Variants in ZNF83 observed in about 807,000 individuals in gnomAD.
ZNF83 encodes the protein zinc finger protein 83, also known as zinc finger protein 816B.
For synonymous variants in ZNF83, 209 were observed against 213.0 expected, an observed-to-expected ratio of 0.98 and a Z score of 0.17; for missense variants, 552 against 629.9, an observed-to-expected ratio of 0.88 and a Z score of 1.32.
In ZNF83 at chr19:52,629,515, T is replaced by C. The variant is rs368407510; in HGVS notation, c.-234+5551A>G. Reference sequence around the variant, plus strand: ...CAGCCTCCGCTCCTCCACCCTGTAATCTTTTTATCACCTCACCTGCTCACA... The same window carrying C: ...CAGCCTCCGCTCCTCCACCCTGTAACCTTTTTATCACCTCACCTGCTCACA... On this transcript the variant is annotated intron_variant, in intron 2 of 2. Coordinates refer to ENST00000301096, the Ensembl canonical transcript of ZNF83. Among the ~76,000 whole-genome samples, 39 of 152,246 alleles carry C rather than the reference T, an allele frequency of 2.6e-4. 1 individual carries two copies. Among genetic ancestry groups the C allele is most frequent in the African/African-American group, 9.2e-4 (38 of 41,524 alleles).
intron 2 of ZNF83, among the ~76,000 whole-genome samples, chr19:52,659,009 AC>A (rs762899821): frequency 5.9e-5 from 9 of 152,250 alleles, no homozygotes; most frequent in East Asian, 3.9e-4. Context: ...GCGATTGGGC[AC>A]CCAGCAGGAC....
At chr19:52,677,075 A>T (rs1219369945) in intron 1 of ZNF83, among the ~76,000 whole-genome samples, 1 of 148,346 alleles carries the variant, frequency 6.7e-6, no homozygotes, top group South Asian at 2.1e-4. Context: ...CTGTTGTCCT[A>T]TGACCCTGCC....
chr19:52,681,259 G>T (rs373573699), intron 1 of ZNF83, among the ~76,000 whole-genome samples: 2 of 124,292 alleles, frequency 1.6e-5, no homozygotes, highest in East Asian at 4.6e-4. Flanking sequence ...CTCCAGCCTG[G>T]GTGACAGAGT....
At chr19:52,663,536 A>G (rs1040645173) in intron 1 of ZNF83, among the ~76,000 whole-genome samples, 1 of 152,228 alleles carries the variant, frequency 6.6e-6, no homozygotes, top group Admixed American at 6.5e-5. Context: ...ATCAGATGAC[A>G]TGAGGAAAGA....
At chr19:52,667,817 AAT>A (rs985040951) in intron 1 of ZNF83, among the ~76,000 whole-genome samples, 2 of 152,238 alleles carry the variant, frequency 1.3e-5, no homozygotes, top group Non-Finnish European at 2.9e-5. Flanking sequence ...ACATTGGATA[AAT>A]ATGTCTACAA....
At chr19:52,655,572 A>C in exon 3 of ZNF83, 1 of 1,500,800 alleles carries the variant, frequency 6.7e-7, no homozygotes, top group Non-Finnish European at 9.3e-7. Context: ...CACAGACTCC[A>C]GGTTCCTGTA....
At chr19:52,675,902 G>A (rs1483706355) in intron 1 of ZNF83, among the ~76,000 whole-genome samples, 1 of 152,150 alleles carries the variant, frequency 6.6e-6, no homozygotes, top group African/African-American at 2.4e-5. Flanking sequence ...AAGAATGAAC[G>A]ACATTCAGGC....
In ZNF83 at chr19:52,614,609, G is replaced by A. The variant is rs372610028; in HGVS notation, c.-45C>T. On this transcript the variant is annotated 5_prime_UTR_variant, in exon 3 of 3. Transcript: ENST00000301096. ...CTTTCCTTATAGGTCACACGCACTC[G>A]CTTATAATGTCTTCAATCATGTTTC... The A allele has an allele frequency of 3.3e-4, 495 of 1,500,696 alleles. 10 individuals carry two copies. In the South Asian group the frequency reaches 6.3e-3, roughly 19 times the overall value. 93.0% of individuals were successfully genotyped at this position (1,500,696 alleles called of 1,614,324 possible). A position where few individuals can be genotyped will look rare whatever the true frequency, so the allele number is the denominator to read the frequency against.
chr19:52,657,243 T>C lies in ZNF83; in HGVS notation c.-200-1556A>G, dbSNP rs561882528. Among the ~76,000 whole-genome samples the C allele has an allele frequency of 2.2e-3, 330 of 152,148 alleles. 1 individual carries two copies. The highest frequency in any genetic ancestry group is 6.8e-3 in the African/African-American group (282 of 41,502). ...AAATTACGAAGAACTACACAGAAAC[T>C]CTCGGGCTAAAAATACAGTAACTAA... On this transcript the variant is annotated intron_variant, in intron 2 of 5. Transcript: ENST00000594682.
At chr19:52,615,836 T>G (rs1232961747) in intron 2 of ZNF83, among the ~76,000 whole-genome samples, 1 of 152,184 alleles carries the variant, frequency 6.6e-6, no homozygotes, top group African/African-American at 2.4e-5. Context: ...CAGAGACTGA[T>G]AAATCTTTTT....
upstream of ZNF83, among the ~76,000 whole-genome samples, chr19:52,642,039 A>C (rs1329575674): frequency 6.6e-6 from 1 of 152,134 alleles, no homozygotes; most frequent in African/African-American, 2.4e-5. Context: ...GAGTAGAGGA[A>C]TAGTCACTTA....
intron 1 of ZNF83, among the ~76,000 whole-genome samples, chr19:52,662,700 G>T (rs1015397356): frequency 2.0e-5 from 3 of 152,228 alleles, no homozygotes; most frequent in African/African-American, 7.2e-5. Flanking sequence ...AGCTTTTCTT[G>T]TCTTATTCCT....
chr19:52,668,158 C>T (rs1039430416), intron 1 of ZNF83, among the ~76,000 whole-genome samples: 1 of 152,130 alleles, frequency 6.6e-6, no homozygotes, highest in Non-Finnish European at 1.5e-5. Flanking sequence ...AGTACATCAG[C>T]ATCGGCCTGG....
At chr19:52,620,894 C>T (rs2060518746) in intron 2 of ZNF83, among the ~76,000 whole-genome samples, 1 of 152,214 alleles carries the variant, frequency 6.6e-6, no homozygotes, top group African/African-American at 2.4e-5. Context: ...ATGACCTCCC[C>T]ACCATGCACT....
intron 2 of ZNF83, among the ~76,000 whole-genome samples, chr19:52,658,165 G>C (rs1332625710): frequency 6.7e-6 from 1 of 150,290 alleles, no homozygotes; most frequent in East Asian, 1.9e-4. Flanking sequence ...TAGTGAATAG[G>C]AAAAGAAACA....
At chr19:52,688,078 T>C (rs2062078199) in intron 1 of ZNF83, among the ~76,000 whole-genome samples, 1 of 152,044 alleles carries the variant, frequency 6.6e-6, no homozygotes, top group Non-Finnish European at 1.5e-5. Context: ...TTTAATCAAG[T>C]TTTAAATTAT....
chr19:52,687,434 A>G (rs1010782186), intron 1 of ZNF83, among the ~76,000 whole-genome samples: 1,621 of 20,592 alleles, frequency 0.079, 578 homozygotes, highest in Non-Finnish European at 0.12. Context: ...ATTATAATTT[A>G]TATAGCTATA....
At chr19:52,654,344 C>A in intron 3 of ZNF83, 2 of 1,366,792 alleles carry the variant, frequency 1.5e-6, no homozygotes, top group Non-Finnish European at 2.0e-6. Flanking sequence ...GTGTGGATCA[C>A]TTCTCCTGTA....
At chr19:52,686,564 T>G (rs2062020425) in intron 1 of ZNF83, among the ~76,000 whole-genome samples, 1 of 151,512 alleles carries the variant, frequency 6.6e-6, no homozygotes, top group Non-Finnish European at 1.5e-5. Context: ...CCCCTTTTAT[T>G]TTTTATTTTT....
Sources: gnomAD v4.1 joint callset for allele counts (sites outside exome capture counted in the v4.1 genomes callset) on GRCh38, gnomAD v4.1.1 for gene constraint, MANE v1.5 for transcripts, NCBI Gene and HGNC (gene_info 2026-07-23, HGNC 2026-07-21) for gene names.